GPD1L: variants seen among roughly 807,000 people sequenced by gnomAD.
GPD1L encodes glycerol-3-phosphate dehydrogenase 1 like.
In GPD1L, 17 loss-of-function variants were observed where a neutral mutation model predicts 32.9. That is an observed-to-expected ratio of 0.52 (90% CI 0.35 to 0.78). GPD1L has a LOEUF of 0.78. GPD1L is among the 30% of genes least tolerant of loss of function. The probability of loss-of-function intolerance (pLI) is 0.01; values close to 1 mark genes in which losing one functional copy is unlikely to be tolerated. For missense variants in GPD1L, 361 were observed against 447.8 expected (o/e 0.81, Z 1.75); for synonymous variants, 187 against 165.9 (o/e 1.13, Z -0.98).
intron 5 of GPD1L, among the ~76,000 whole-genome samples, chr3:32,152,258 T>C (rs1297105301): frequency 6.6e-6 from 1 of 152,222 alleles, no homozygotes; most frequent in African/African-American, 2.4e-5. Flanking sequence ...CGTTTCTTTC[T>C]TTCTTATGTA....
chr3:32,142,821 T>A (rs926683418), intron 4 of GPD1L, among the ~76,000 whole-genome samples: 1 of 152,168 alleles, frequency 6.6e-6, no homozygotes, highest in Non-Finnish European at 1.5e-5. Context: ...TGCATTTCTT[T>A]CCCTCTGGCA....
chr3:32,138,774 A>G, intron 3 of GPD1L, 47 bp downstream of exon 3: 1 of 1,592,212 alleles, frequency 6.3e-7, no homozygotes, highest in East Asian at 2.2e-5. Flanking sequence ...GTTATCAGGA[A>G]ATTTCATTTC....
rs1379620331 is a variant in GPD1L at position 32,167,928 on chromosome 3, C to T, written c.*2018C>T. On this transcript the variant is annotated 3_prime_UTR_variant, in exon 8 of 8. Coordinates refer to ENST00000282541, the MANE Select transcript of GPD1L (RefSeq NM_015141.4). ...GCCACCATTAACCCACTTTGCTTGTCTCATGAAAAATCTTTGTTAAAGTTT... is the reference window on the plus strand; with the variant it reads ...GCCACCATTAACCCACTTTGCTTGTTTCATGAAAAATCTTTGTTAAAGTTT... The T allele has an allele frequency of 6.6e-6, 1 of 152,066 alleles. No homozygotes were observed. The highest frequency in any genetic ancestry group is 6.5e-5 in the Admixed American group (1 of 15,272). The allele number at this position is 152,066 out of a possible 1,614,324, so 9.4% of individuals were successfully genotyped here. A position where few individuals can be genotyped will look rare whatever the true frequency, so the allele number is the denominator to read the frequency against.
At chr3:32,136,564 G>A (rs1289847584) in intron 2 of GPD1L, among the ~76,000 whole-genome samples, 2 of 152,136 alleles carry the variant, frequency 1.3e-5, no homozygotes, top group Non-Finnish European at 2.9e-5. Flanking sequence ...AAGGGATAAG[G>A]GAATTAAACT....
intron 1 of GPD1L, among the ~76,000 whole-genome samples, chr3:32,114,274 T>C (rs1700295407): frequency 6.6e-6 from 1 of 152,218 alleles, no homozygotes; most frequent in South Asian, 2.1e-4. Flanking sequence ...TAGCTTAGGC[T>C]TCTCCATATG....
chr3:32,152,561 G>C (rs540516864), intron 5 of GPD1L, among the ~76,000 whole-genome samples: 1 of 152,162 alleles, frequency 6.6e-6, no homozygotes. Flanking sequence ...AATGGAAGAG[G>C]CAAACAGAGA....
chr3:32,166,141 T>C lies in GPD1L; in HGVS notation c.*231T>C, dbSNP rs530155298. 5.3e-6 allele frequency: 3 copies of C among 566,432 alleles called. No individual in the cohort carries two copies. In the East Asian group the frequency reaches 9.1e-5, roughly 17 times the overall value. The allele number at this position is 566,432 out of a possible 1,614,324, so 35.1% of individuals were successfully genotyped here. On this transcript the variant is annotated 3_prime_UTR_variant, in exon 8 of 8. Transcript: ENST00000282541. The stretch of plus-strand genomic sequence containing the variant: ...GTGAATGGTGGTTTATTCCTCATTC[T>C]GTGGATGTTTCTATGAGCCAAAATT...
At chr3:32,108,000 C>T (rs1187478455) in intron 1 of GPD1L, among the ~76,000 whole-genome samples, 1 of 152,346 alleles carries the variant, frequency 6.6e-6, no homozygotes, top group Non-Finnish European at 1.5e-5. Flanking sequence ...TCTTGTGCCT[C>T]ATCCACTTGA....
At position 32,147,374 on chromosome 3, in the gene GPD1L, C is replaced by T. The variant is rs1258288675; in HGVS notation, c.618+640C>T. On this transcript the variant is annotated intron_variant, in intron 5 of 7. Transcript: ENST00000282541. ...TGTAAATTTTAAGAGGTACTTCATA[C>T]AGAAAAGTACAAAAATCATAAGTAT... 2.6e-5 allele frequency among the ~76,000 whole-genome samples: 4 copies of T among 152,186 alleles called. No homozygotes were observed. The South Asian group carries it at 8.3e-4, about 32-fold the overall frequency.
At position 32,128,098 on chromosome 3, in the gene GPD1L, A is replaced by C; in HGVS notation, c.70A>C (p.Ile24Leu). The C allele has an allele frequency of 6.2e-7, 1 of 1,612,998 alleles. No individual in the cohort carries two copies. The highest frequency in any genetic ancestry group is 8.5e-7 in the Non-Finnish European group (1 of 1,178,998). Residue 24 changes from isoleucine to leucine, a missense_variant, in exon 2 of 8, where the codon ATT becomes CTT. By Grantham distance (5) the Ile-to-Leu change is conservative (BLOSUM62 2). Transcript: ENST00000282541. ...GNWGSAVAKI[I>L]GNNVKKLQKF... ...TAGGGGTTCAGCTGTTGCAAAAATA[A>C]TTGGTAATAATGTCAAGAAACTTCA...
intron 1 of GPD1L, among the ~76,000 whole-genome samples, chr3:32,118,541 G>T (rs1253079553): frequency 6.6e-6 from 1 of 151,988 alleles, no homozygotes; most frequent in Non-Finnish European, 1.5e-5. Context: ...GCTTGTTCTT[G>T]TGTGTTTTCT....
At chr3:32,134,521 C>T (rs1190667642) in intron 2 of GPD1L, among the ~76,000 whole-genome samples, 1 of 152,236 alleles carries the variant, frequency 6.6e-6, no homozygotes, top group Non-Finnish European at 1.5e-5. Context: ...GGGCCTCACT[C>T]TGTCCCCAAG....
chr3:32,139,742 G>A (rs934643312), intron 3 of GPD1L, among the ~76,000 whole-genome samples: 7 of 152,216 alleles, frequency 4.6e-5, no homozygotes, highest in Admixed American at 3.3e-4. Context: ...GAACAGAAAC[G>A]AACCAGAAGT....
chr3:32,120,668 T>C (rs1307941029), intron 1 of GPD1L, among the ~76,000 whole-genome samples: 1 of 152,126 alleles, frequency 6.6e-6, no homozygotes, highest in African/African-American at 2.4e-5. Flanking sequence ...CTCCTAGTCA[T>C]TTACAATGAG....
chr3:32,153,049 G>A (rs557039832), intron 5 of GPD1L, among the ~76,000 whole-genome samples: 3 of 152,286 alleles, frequency 2.0e-5, no homozygotes, highest in Admixed American at 2.0e-4. Context: ...TTCTATTATT[G>A]TAGAAGGAAA....
chr3:32,113,972 A>G (rs1401078216), intron 1 of GPD1L, among the ~76,000 whole-genome samples: 1 of 151,808 alleles, frequency 6.6e-6, no homozygotes, highest in East Asian at 1.9e-4. Flanking sequence ...TCCCACCTTA[A>G]CCTCCCGAGT....
Position 32,160,555 on chromosome 3 carries a change from G to C in GPD1L, c.959+881G>C, listed in dbSNP as rs1458534258. Among the ~76,000 whole-genome samples, 4 of 72,442 alleles carry C rather than the reference G, an allele frequency of 5.5e-5. 1 individual carries two copies. The highest frequency in any genetic ancestry group is 1.4e-4 in the African/African-American group (2 of 13,912). The allele number at this position is 72,442 out of a possible 152,430, so 47.5% of individuals were successfully genotyped here. A position where few individuals can be genotyped will look rare whatever the true frequency, so the allele number is the denominator to read the frequency against. ...GGGATGGGTGAATGGATGGATGATG[G>C]GTGGGTGGGTGGGATGGGATGAGAT... On this transcript the variant is annotated intron_variant, in intron 7 of 7. Transcript: ENST00000282541.
At chr3:32,138,761 T>C (rs372917584) in intron 3 of GPD1L, 34 bp downstream of exon 3, 2 of 1,609,516 alleles carry the variant, frequency 1.2e-6, no homozygotes, top group South Asian at 1.1e-5. Flanking sequence ...GGGCTAGACA[T>C]TGGTTATCAG....
intron 5 of GPD1L, among the ~76,000 whole-genome samples, chr3:32,154,229 T>C (rs1575120807): frequency 6.6e-6 from 1 of 152,106 alleles, no homozygotes; most frequent in Non-Finnish European, 1.5e-5. Flanking sequence ...TCTCCTGATC[T>C]CCCCTGGTGG....
Sources: allele counts gnomAD v4.1 joint callset (sites outside exome capture counted in the v4.1 genomes callset), GRCh38; gene constraint gnomAD v4.1.1; transcripts MANE v1.5; gene names NCBI Gene and HGNC (gene_info 2026-07-23, HGNC 2026-07-21).